The following SGK1 variants were observed in gnomAD, a reference collection of about 807,000 sequenced individuals.
SGK1 encodes serum/glucocorticoid regulated kinase 1.
SGK1 carries 26 observed loss-of-function variants against 64.2 expected under a neutral mutation model. That is an observed-to-expected ratio of 0.40 (90% CI 0.30 to 0.56). SGK1 has a LOEUF of 0.56. SGK1 is among the 20% of genes least tolerant of loss of function. The probability of loss-of-function intolerance (pLI) is 0.38; values close to 1 mark genes in which losing one functional copy is unlikely to be tolerated. For synonymous variants in SGK1, 265 were observed against 239.7 expected (o/e 1.11, Z -0.98); for missense variants, 519 against 645.6 (o/e 0.80, Z 2.12).
chr6:134,193,451 G>T (rs189048555), intron 3 of SGK1, among the ~76,000 whole-genome samples: 3 of 151,948 alleles, frequency 2.0e-5, no homozygotes, highest in Admixed American at 2.0e-4. Context: ...TAAATTCCCG[G>T]TCTTGCCCAG....
chr6:134,215,602 TGC>T (rs1447558665), intron 2 of SGK1, among the ~76,000 whole-genome samples: 14 of 151,402 alleles, frequency 9.2e-5, no homozygotes, highest in Admixed American at 6.6e-5. Flanking sequence ...AGTGAGCACA[TGC>T]GCGCGGTGGC....
At chr6:134,290,146 T>C (rs1425863648) in intron 1 of SGK1, among the ~76,000 whole-genome samples, 1 of 95,040 alleles carries the variant, frequency 1.1e-5, no homozygotes, top group Non-Finnish European at 1.9e-5. Flanking sequence ...GCAAAGCTCC[T>C]TCTCAAAAAA....
chr6:134,278,252 T>C (rs1052945903), intron 1 of SGK1, among the ~76,000 whole-genome samples: 9 of 152,260 alleles, frequency 5.9e-5, no homozygotes, highest in African/African-American at 2.2e-4. Flanking sequence ...AACTTTGCAT[T>C]TCTTCCATTA....
intron 11 of SGK1, 65 bp downstream of exon 11, chr6:134,171,572 G>T (rs1355967628): frequency 8.7e-7 from 1 of 1,144,038 alleles, no homozygotes; most frequent in Non-Finnish European, 1.3e-6. Flanking sequence ...GGCCAAGCAT[G>T]GGCTGTGTGA....
At chr6:134,220,326 T>C (rs1032266922) in intron 2 of SGK1, among the ~76,000 whole-genome samples, 2 of 152,104 alleles carry the variant, frequency 1.3e-5, no homozygotes, top group Non-Finnish European at 2.9e-5. Flanking sequence ...AGCTCCCTTA[T>C]TTAATAGATG....
At chr6:134,228,700 G>A (rs766327968) in intron 2 of SGK1, among the ~76,000 whole-genome samples, 7 of 152,148 alleles carry the variant, frequency 4.6e-5, no homozygotes, top group South Asian at 2.1e-4. Context: ...TGGGCTCTGC[G>A]CAAAGGCAGA....
intron 2 of SGK1, among the ~76,000 whole-genome samples, chr6:134,237,080 G>A (rs1263181607): frequency 1.4e-5 from 2 of 145,556 alleles, no homozygotes; most frequent in African/African-American, 2.5e-5. Flanking sequence ...TTTGAGATGG[G>A]GTCTCACTCC....
chr6:134,263,166 G>A (rs549740308), intron 1 of SGK1, among the ~76,000 whole-genome samples: 1 of 152,144 alleles, frequency 6.6e-6, no homozygotes, highest in African/African-American at 2.4e-5. Flanking sequence ...TGAATTACTA[G>A]TTATTCTTAC....
intron 2 of SGK1, chr6:134,215,096 GGAAAATAAACAT>G: frequency 2.2e-6 from 1 of 454,704 alleles, no homozygotes; most frequent in Non-Finnish European, 4.4e-6. Flanking sequence ...CAGAGAATCT[GGAAAATAAACAT>G]GAGAGTAAGT....
intron 2 of SGK1, among the ~76,000 whole-genome samples, chr6:134,225,446 AC>A (rs1776160522): frequency 6.6e-6 from 1 of 152,104 alleles, no homozygotes; most frequent in South Asian, 2.1e-4. Context: ...GCAGGAGGGT[AC>A]CACTGAGGAA....
chr6:134,208,830 ATGTATG>A (rs1301851272), intron 2 of SGK1, among the ~76,000 whole-genome samples: 1 of 149,302 alleles, frequency 6.7e-6, no homozygotes, highest in African/African-American at 2.5e-5. Context: ...ATGTATATAT[ATGTATG>A]TGTGTATGCA....
At chr6:134,217,237 G>A (rs1253748959) in intron 2 of SGK1, among the ~76,000 whole-genome samples, 2 of 152,156 alleles carry the variant, frequency 1.3e-5, no homozygotes, top group African/African-American at 2.4e-5. Context: ...GGGAAGATGG[G>A]GGAATCCAAA....
intron 2 of SGK1, among the ~76,000 whole-genome samples, chr6:134,252,577 A>C (rs1254809487): frequency 8.1e-6 from 1 of 124,154 alleles, no homozygotes; most frequent in Non-Finnish European, 1.6e-5. Context: ...TGATTGCGCC[A>C]CTGCTCTCCA....
chr6:134,224,826 T>A (rs1776143744), intron 2 of SGK1, among the ~76,000 whole-genome samples: 1 of 150,292 alleles, frequency 6.7e-6, no homozygotes, highest in Non-Finnish European at 1.5e-5. Context: ...ATCGAGACTA[T>A]CCTGGCTAAC....
At chr6:134,291,417 C>T (rs533132640) in intron 1 of SGK1, among the ~76,000 whole-genome samples, 3 of 152,266 alleles carry the variant, frequency 2.0e-5, no homozygotes, top group African/African-American at 7.2e-5. Flanking sequence ...TCTGACCTTA[C>T]GAGAAATCCA....
chr6:134,185,868 C>T (rs539295353), intron 3 of SGK1, among the ~76,000 whole-genome samples: 50 of 152,108 alleles, frequency 3.3e-4, no homozygotes, highest in African/African-American at 1.1e-3. Flanking sequence ...GTCCGAAGGC[C>T]GGAGAAGAAG....
At chr6:134,228,507 T>C (rs547066142) in intron 2 of SGK1, among the ~76,000 whole-genome samples, 1 of 152,366 alleles carries the variant, frequency 6.6e-6, no homozygotes, top group African/African-American at 2.4e-5. Context: ...TTATTATTTA[T>C]AACTTAGATA....
At chr6:134,210,771 C>G (rs1207246047) in intron 2 of SGK1, among the ~76,000 whole-genome samples, 1 of 143,288 alleles carries the variant, frequency 7.0e-6, no homozygotes, top group Non-Finnish European at 1.5e-5. Context: ...GAGATTGTGT[C>G]ACGGCACTCC....
intron 2 of SGK1, among the ~76,000 whole-genome samples, chr6:134,232,050 A>AAAG (rs1253966828): frequency 4.0e-5 from 6 of 151,348 alleles, no homozygotes; most frequent in African/African-American, 1.5e-4. Flanking sequence ...AAAAAAAAAA[A>AAAG]AAAATACTAT....
Sources: allele counts gnomAD v4.1 joint callset (sites outside exome capture counted in the v4.1 genomes callset), GRCh38; gene constraint gnomAD v4.1.1; transcripts MANE v1.5; gene names NCBI Gene and HGNC (gene_info 2026-07-23, HGNC 2026-07-21).